The following RSF1 variants were observed in gnomAD, a reference collection of about 807,000 sequenced individuals.
RSF1 encodes remodeling and spacing factor 1, also known as HBV pX-associated protein 8.
A neutral mutation model predicts 145.2 loss-of-function variants in RSF1; 13 were observed. The ratio of observed to expected loss-of-function variants is 0.09; its 90% CI spans 0.06 to 0.14. RSF1 has a LOEUF of 0.14. Ranked by LOEUF, RSF1 falls within the 10% of genes least tolerant of loss-of-function variation. The probability of loss-of-function intolerance (pLI) is 1.00; values close to 1 mark genes in which losing one functional copy is unlikely to be tolerated. For missense variants in RSF1, 1,517 were observed against 1,718.2 expected (o/e 0.88, Z 2.07); for synonymous variants, 577 against 592.6 (o/e 0.97, Z 0.38).
rs534422072 is a variant in RSF1 at position 77,769,258 on chromosome 11, G to A, written c.188-4569C>T. 6.4e-4 allele frequency among the ~76,000 whole-genome samples: 98 copies of A among 152,174 alleles called. 2 individuals are homozygous for A. The South Asian group carries it at 0.018, about 28-fold the overall frequency. On this transcript the variant is annotated intron_variant, in intron 1 of 15. Coordinates refer to ENST00000308488, the MANE Select transcript of RSF1 (RefSeq NM_016578.4). ...ACTGGGATTACAGGTGTGAGCCACC[G>A]TGCCCAGCCATCAATCATATTTTTT... is the stretch of plus-strand genomic sequence containing the variant.
At chr11:77,836,970 A>C in the RSF1 span, among the ~76,000 whole-genome samples, 2 of 152,232 alleles carry the variant, frequency 1.3e-5, no homozygotes, top group Non-Finnish European at 2.9e-5. Context: ...CATCTCAAAA[A>C]AAGAAAAAGT....
the RSF1 span, among the ~76,000 whole-genome samples, chr11:77,846,189 G>C: frequency 1.3e-5 from 2 of 152,176 alleles, no homozygotes; most frequent in Non-Finnish European, 2.9e-5. Flanking sequence ...CCTTAGTGAT[G>C]AGCTAATGAT....
At chr11:77,859,059 G>C in the RSF1 span, among the ~76,000 whole-genome samples, 1 of 152,234 alleles carries the variant, frequency 6.6e-6, no homozygotes, top group Non-Finnish European at 1.5e-5. Context: ...TAAGTGAAAG[G>C]TTTGGTGAAG....
chr11:77,800,042 G>C (rs927144155), intron 1 of RSF1, among the ~76,000 whole-genome samples: 1 of 152,252 alleles, frequency 6.6e-6, no homozygotes, highest in South Asian at 2.1e-4. Context: ...CTACGTGGGA[G>C]GCTAATGTGT....
At chr11:77,731,905 T>C (rs1162438144) in intron 4 of RSF1, among the ~76,000 whole-genome samples, 1 of 152,226 alleles carries the variant, frequency 6.6e-6, no homozygotes, top group Non-Finnish European at 1.5e-5. Flanking sequence ...GCTAGGGCAG[T>C]GTGGAAGGGA....
At chr11:77,756,898 CAG>C (rs1032790888) in intron 2 of RSF1, among the ~76,000 whole-genome samples, 1 of 152,106 alleles carries the variant, frequency 6.6e-6, no homozygotes, top group East Asian at 1.9e-4. Flanking sequence ...TTTCAGAATC[CAG>C]AGAGGAAGAG....
At chr11:77,739,133 G>A (rs1211528280) in intron 4 of RSF1, 1 of 152,264 alleles carries the variant, frequency 6.6e-6, no homozygotes, top group Admixed American at 6.5e-5. Context: ...TAGAGATGGG[G>A]TTTCACCATG....
intron 5 of RSF1, among the ~76,000 whole-genome samples, chr11:77,709,694 CTT>C (rs60236346): frequency 6.7e-6 from 1 of 150,050 alleles, no homozygotes; most frequent in Non-Finnish European, 1.5e-5. Context: ...TGTGCCAATT[CTT>C]TTTTTTTTAA....
chr11:77,830,702 G>C, the RSF1 span, among the ~76,000 whole-genome samples: 1 of 152,036 alleles, frequency 6.6e-6, no homozygotes, highest in Middle Eastern at 3.4e-3. Context: ...ACAGGATTGG[G>C]TGCTCTACAA....
chr11:77,844,973 A>T, the RSF1 span, among the ~76,000 whole-genome samples: 5 of 152,126 alleles, frequency 3.3e-5, no homozygotes, highest in Admixed American at 3.3e-4. Context: ...TGATAAATCA[A>T]CCATTAGCAT....
Position 77,753,911 on chromosome 11 carries a change from C to T in RSF1, c.280-6783G>A, listed in dbSNP as rs568817247. ...AGCAACGACCAAGTATGCAGGAAGA[C>T]CATTTCTCTTGCACCCCCAACCAAT... On this transcript the variant is annotated intron_variant, in intron 2 of 15. Transcript: ENST00000308488. Among the ~76,000 whole-genome samples, 9 of 152,312 alleles carry T rather than the reference C, an allele frequency of 5.9e-5. No homozygotes were observed. In the South Asian group the frequency reaches 1.9e-3, roughly 32 times the overall value.
At chr11:77,785,622 A>G (rs1384617197) in intron 1 of RSF1, among the ~76,000 whole-genome samples, 1 of 151,908 alleles carries the variant, frequency 6.6e-6, no homozygotes, top group Non-Finnish European at 1.5e-5. Context: ...TTAAAGAATT[A>G]AAGATGTGTA....
intron 7 of RSF1, among the ~76,000 whole-genome samples, chr11:77,695,105 A>G (rs1459885715): frequency 6.6e-6 from 1 of 152,240 alleles, no homozygotes; most frequent in African/African-American, 2.4e-5. Context: ...TCTATTCTCA[A>G]GATAAATGCA....
chr11:77,820,986 A>T (rs1365619204), upstream of RSF1: 1 of 515,656 alleles, frequency 1.9e-6, no homozygotes, highest in African/African-American at 2.0e-5. Context: ...CGGGCTTGCC[A>T]CTGCCTCGTG....
chr11:77,711,112 C>CA (rs1960670380), intron 5 of RSF1, among the ~76,000 whole-genome samples: 1 of 147,154 alleles, frequency 6.8e-6, no homozygotes, highest in Admixed American at 6.8e-5. Flanking sequence ...CACACATAGA[C>CA]ACCCCCCCTG....
intron 15 of RSF1, among the ~76,000 whole-genome samples, chr11:77,670,868 A>G (rs531868783): frequency 2.0e-5 from 3 of 151,762 alleles, no homozygotes; most frequent in Non-Finnish European, 4.4e-5. Flanking sequence ...GCACTTTGGG[A>G]GGCCAAGGTG....
the RSF1 span, among the ~76,000 whole-genome samples, chr11:77,828,625 C>A: frequency 6.7e-6 from 1 of 148,184 alleles, no homozygotes; most frequent in African/African-American, 2.5e-5. Flanking sequence ...GAGCCAAGAT[C>A]GCACCACTGC....
chr11:77,838,187 A>G, the RSF1 span, among the ~76,000 whole-genome samples: 6 of 149,230 alleles, frequency 4.0e-5, no homozygotes, highest in African/African-American at 7.3e-5. Flanking sequence ...TTAAGGAGAC[A>G]CATATAGGTG....
At chr11:77,810,656 G>T (rs1370674030) in intron 1 of RSF1, among the ~76,000 whole-genome samples, 2 of 152,090 alleles carry the variant, frequency 1.3e-5, no homozygotes, top group African/African-American at 4.8e-5. Flanking sequence ...TGCCTCCTGG[G>T]TTCAAGCAAT....
Sources: allele counts gnomAD v4.1 joint callset (sites outside exome capture counted in the v4.1 genomes callset), GRCh38; gene constraint gnomAD v4.1.1; transcripts MANE v1.5; gene names NCBI Gene and HGNC (gene_info 2026-07-23, HGNC 2026-07-21).